PRR12: variants seen among roughly 807,000 people sequenced by gnomAD.
The protein encoded by PRR12 is proline rich 12, also known as proline-rich protein 12.
A neutral mutation model predicts 138.0 loss-of-function variants in PRR12; 12 were observed. The observed-to-expected ratio is 0.09, with a 90% CI of 0.06 to 0.14. PRR12 has a LOEUF of 0.14. Ranked by LOEUF, PRR12 falls within the 10% of genes least tolerant of loss-of-function variation. The probability of loss-of-function intolerance (pLI) is 1.00; values close to 1 mark genes in which losing one functional copy is unlikely to be tolerated. For synonymous variants in PRR12, 1,567 were observed against 1,291.7 expected (o/e 1.21, Z -4.57); for missense variants, 2,692 against 2,861.3 (o/e 0.94, Z 1.35).
At position 49,594,373 on chromosome 19, in the gene PRR12, G is replaced by A; in HGVS notation, c.200-81G>A. On this transcript the variant is annotated intron_variant, in intron 2 of 13. Coordinates refer to ENST00000418929, the MANE Select transcript of PRR12 (RefSeq NM_020719.3). The surrounding 1 kb of genome is among the most constrained non-coding windows in gnomAD (Gnocchi z 5.6). ...TCCCCTCCTTTTCCTGATCCAACTTGCTTTTGGCCTCTTCCCTTTCTCTCT... is the reference window on the plus strand; with the variant it reads ...TCCCCTCCTTTTCCTGATCCAACTTACTTTTGGCCTCTTCCCTTTCTCTCT... 3 of 1,359,428 alleles carry A rather than the reference G, an allele frequency of 2.2e-6. No individual in the cohort carries two copies. The highest frequency in any genetic ancestry group is 1.5e-5 in the South Asian group (1 of 67,862). The allele number at this position is 1,359,428 out of a possible 1,614,324, so 84.2% of individuals were successfully genotyped here.
At chr19:49,606,108 C>T (rs765025979) in intron 6 of PRR12, among the ~76,000 whole-genome samples, 54 of 152,090 alleles carry the variant, frequency 3.6e-4, no homozygotes, top group Non-Finnish European at 1.3e-4. Context: ...TCAAGCGATC[C>T]TCCCACCTCA....
In PRR12 at chr19:49,615,314, AG is replaced by A. The variant is rs140320136; in HGVS notation, c.5024+306del. Among the ~76,000 whole-genome samples the A allele has an allele frequency of 4.2e-3, 636 of 151,350 alleles. 4 individuals carry two copies. Among genetic ancestry groups the A allele is most frequent in the African/African-American group, 0.015 (619 of 41,110 alleles). ...GACTCAGAAGGAGACAGAGACCCAGAGAAAAAGAGGGACAGAGATGGGGGAG... is the reference window on the plus strand; with the variant it reads ...GACTCAGAAGGAGACAGAGACCCAGAAAAAAGAGGGACAGAGATGGGGGAG... On this transcript the variant is annotated intron_variant, in intron 8 of 13. Transcript: ENST00000418929.
At chr19:49,622,901 A>C (rs1483206148) in intron 11 of PRR12, among the ~76,000 whole-genome samples, 2 of 118,752 alleles carry the variant, frequency 1.7e-5, no homozygotes, top group Admixed American at 8.4e-5. Flanking sequence ...CAAAAAAAAA[A>C]CAAAAACATA....
rs1156282643 is a variant in PRR12, at chr19:49,615,005, G to C, written c.5020G>C (p.Val1674Leu). The C allele has an allele frequency of 1.9e-6, 3 of 1,613,976 alleles. No individual in the cohort carries two copies. Among genetic ancestry groups the C allele is most frequent in the East Asian group, 4.5e-5 (2 of 44,884 alleles). The change falls in exon 8 of 14, where the codon GTC becomes CTC. Residue 1674 changes from valine (V) to leucine (L), a missense_variant. Around this residue, in one of 11 missense-constraint regions of PRR12, gnomAD observed 259 missense variants for 265.1 expected, o/e 0.98. Coordinates refer to ENST00000418929, the MANE Select transcript of PRR12 (RefSeq NM_020719.3). ...RKPWHRPPVP[V>L]RRSGQAKNPV... ...ACCCTGGCATCGGCCCCCAGTGCCA[G>C]TCAGGTACCAACCATGGGGGACACA...
chr19:49,602,797 C>T (rs1265199613), intron 6 of PRR12, among the ~76,000 whole-genome samples: 1 of 152,212 alleles, frequency 6.6e-6, no homozygotes, highest in Admixed American at 6.5e-5. Context: ...GATGACCCAC[C>T]TGCCTTGGCC....
intron 9 of PRR12, among the ~76,000 whole-genome samples, chr19:49,617,166 T>TAAC (rs1246908799): frequency 6.7e-6 from 1 of 150,362 alleles, no homozygotes; most frequent in South Asian, 2.1e-4. Flanking sequence ...GTGATGACAA[T>TAAC]AACAACAACA....
intron 6 of PRR12, among the ~76,000 whole-genome samples, chr19:49,606,952 G>A (rs1315088799): frequency 1.3e-5 from 2 of 151,860 alleles, no homozygotes; most frequent in African/African-American, 4.8e-5. Flanking sequence ...TATCACCTGA[G>A]CCATATATGT....
At chr19:49,593,090 G>A (rs1330238797) in intron 1 of PRR12, among the ~76,000 whole-genome samples, 1 of 152,114 alleles carries the variant, frequency 6.6e-6, no homozygotes, top group Non-Finnish European at 1.5e-5. Context: ...GTTTGTAAAC[G>A]TGAGACTATC....
rs201592499 is a variant in PRR12 at position 49,596,075 on chromosome 19, C to T, written c.1740C>T (p.Val580=). 61 of 1,601,752 alleles carry T rather than the reference C, an allele frequency of 3.8e-5. No individual in the cohort carries two copies. In the East Asian group the frequency reaches 1.1e-3, roughly 30 times the overall value. ...CTGCCACCGGCCGTCCACCTGGAGTCGGCTCTCCAGGAGCCCCTGGCAAAT... is the reference window on the plus strand; with the variant it reads ...CTGCCACCGGCCGTCCACCTGGAGTTGGCTCTCCAGGAGCCCCTGGCAAAT... ...SPPATGRPPG[V]GSPGAPGKYL... Residue 580 remains valine (V), a synonymous_variant, in exon 4 of 14, where the codon GTC becomes GTT. Transcript: ENST00000418929. The surrounding 1 kb of genome is among the most constrained non-coding windows in gnomAD (Gnocchi z 5.6).
chr19:49,623,934 G>T lies in PRR12; in HGVS notation c.5722-910G>T, dbSNP rs189940724. Among the ~76,000 whole-genome samples, 654 of 147,792 alleles carry T rather than the reference G, an allele frequency of 4.4e-3. 6 individuals are homozygous for T. Among genetic ancestry groups the T allele is most frequent in the African/African-American group, 0.016 (625 of 39,294 alleles). On this transcript the variant is annotated intron_variant, in intron 11 of 13. Transcript: ENST00000418929. ...GGGGCTGGGAATTCTGGGGTAGGTG[G>T]TTAGGATGGGGCTGGGAATTCTGGG...
intron 1 of PRR12, 71 bp downstream of exon 1, chr19:49,591,811 G>C: frequency 1.1e-6 from 1 of 947,430 alleles, no homozygotes; most frequent in Non-Finnish European, 1.4e-6. Flanking sequence ...GCCGGGCCGG[G>C]CCGGGCCCGC....
At chr19:49,620,065 C>T (rs988572824) in intron 9 of PRR12, among the ~76,000 whole-genome samples, 4 of 151,404 alleles carry the variant, frequency 2.6e-5, no homozygotes, top group African/African-American at 9.7e-5. Flanking sequence ...GCTGGCCAGG[C>T]TGGTATCAAA....
At chr19:49,593,197 G>A (rs1367138823) in intron 1 of PRR12, 130 bp from the exon 2 acceptor site, 2 of 596,342 alleles carry the variant, frequency 3.4e-6, no homozygotes, top group South Asian at 2.0e-5. Context: ...TAGGGCCTAC[G>A]GTTCCTTAGC....
In PRR12 at chr19:49,594,489, G is replaced by T; in HGVS notation, c.235G>T (p.Ala79Ser). Residue 79 changes from alanine to serine, a missense_variant, in exon 3 of 14, where the codon GCG (alanine) becomes TCG (serine). By Grantham distance (99) the Ala-to-Ser change is moderately conservative. Coordinates refer to ENST00000418929, the MANE Select transcript of PRR12 (RefSeq NM_020719.3). The surrounding 1 kb of genome is among the most constrained non-coding windows in gnomAD (Gnocchi z 5.6). ...SGLFDTGLHHAGSAGPDASVM... is the reference protein window; with the variant it reads ...SGLFDTGLHHSGSAGPDASVM... ...ACTCTTCGACACTGGCCTCCACCAC[G>T]CGGGCTCAGCAGGGCCCGACGCCTC... The T allele has an allele frequency of 6.2e-7, 1 of 1,612,278 alleles. No individual in the cohort carries two copies. The highest frequency in any genetic ancestry group is 8.5e-7 in the Non-Finnish European group (1 of 1,179,420).
chr19:49,614,947 TAAG>T lies in PRR12; in HGVS notation c.4966_4968del (p.Lys1656del). On this transcript the variant is annotated inframe_deletion, in exon 8 of 14. Transcript: ENST00000418929. The surrounding 1 kb of genome is among the most constrained non-coding windows in gnomAD (Gnocchi z 5.0). ...ATGTAAAGTTCCTGGAAAATGTCAA[TAAG>T]AAGGACTACGTGAGGGTCTGTGCTC... 6.2e-7 allele frequency: 1 copy of T among 1,613,902 alleles called. No individual in the cohort carries two copies. The highest frequency in any genetic ancestry group is 8.5e-7 in the Non-Finnish European group (1 of 1,179,870).
rs764535381 is a variant in PRR12 at position 49,601,480 on chromosome 19, G to C, written c.4346-11G>C. ...AATAACATCCAGGCCTGATGTCCCTGTCTCCCCCAGAGCCCCCGCTGCTGG... is the reference window on the plus strand; with the variant it reads ...AATAACATCCAGGCCTGATGTCCCTCTCTCCCCCAGAGCCCCCGCTGCTGG... On this transcript the variant is annotated splice_polypyrimidine_tract_variant and intron_variant, in intron 5 of 13. Transcript: ENST00000418929. 3.5e-6 allele frequency: 5 copies of C among 1,438,330 alleles called. No homozygotes were observed. In the African/African-American group the frequency reaches 5.7e-5, roughly 16 times the overall value. 89.1% of individuals were successfully genotyped at this position (1,438,330 alleles called of 1,614,324 possible).
At chr19:49,598,435 G>A (rs925442743) in intron 4 of PRR12, among the ~76,000 whole-genome samples, 3 of 152,110 alleles carry the variant, frequency 2.0e-5, no homozygotes, top group African/African-American at 7.2e-5. Flanking sequence ...TTTGGGGCAG[G>A]GGGATAATAA....
intron 1 of PRR12, among the ~76,000 whole-genome samples, chr19:49,592,322 G>T (rs1249934231): frequency 2.6e-5 from 4 of 152,030 alleles, no homozygotes; most frequent in Non-Finnish European, 5.9e-5. Context: ...CCCCTTTAAT[G>T]CCCCCACCCC....
chr19:49,600,226 T>G (rs530267050), intron 5 of PRR12, among the ~76,000 whole-genome samples: 74 of 152,064 alleles, frequency 4.9e-4, no homozygotes, highest in Non-Finnish European at 7.4e-4. Flanking sequence ...CAGGGGCTAC[T>G]CAGGTTCTGA....
Sources: gnomAD v4.1 joint callset for allele counts (sites outside exome capture counted in the v4.1 genomes callset) on GRCh38, gnomAD v4.1.1 for gene constraint, gnomAD v4.1.1 regional missense constraint, Gnocchi (gnomAD v3.1) non-coding constraint, MANE v1.5 for transcripts, NCBI Gene and HGNC (gene_info 2026-07-23, HGNC 2026-07-21) for gene names.